MYRFL: variants seen among roughly 807,000 people sequenced by gnomAD.
MYRFL encodes myelin regulatory factor like, also known as myelin regulatory factor-like protein.
Under a neutral mutation model 109.4 loss-of-function variants are expected in MYRFL, and 88 were observed. The observed-to-expected ratio is 0.80, with a 90% CI of 0.68 to 0.96. The LOEUF (loss-of-function observed/expected upper bound fraction) is 0.96. MYRFL is among the 40% of genes least tolerant of loss of function. MYRFL has a pLI of 0.00. For missense variants in MYRFL, 957 were observed against 954.9 expected, an observed-to-expected ratio of 1.00 and a Z score of -0.03; for synonymous variants, 324 against 320.9, an observed-to-expected ratio of 1.01 and a Z score of -0.10.
At chr12:69,953,764 GACACACACACACAC>G (rs143170206) in intron 21 of MYRFL, among the ~76,000 whole-genome samples, 3 of 144,284 alleles carry the variant, frequency 2.1e-5, no homozygotes, top group South Asian at 2.3e-4. Flanking sequence ...GTGCAACCCG[GACACACACACACAC>G]ACACACACAC....
intron 2 of MYRFL, among the ~76,000 whole-genome samples, chr12:69,876,183 T>C (rs544954514): frequency 6.6e-6 from 1 of 152,354 alleles, no homozygotes; most frequent in South Asian, 2.1e-4. Flanking sequence ...TTCTGGTTAT[T>C]CAGGCCAGGA....
At position 69,945,904 on chromosome 12, in the gene MYRFL, G is replaced by C. The variant is rs1357147215; in HGVS notation, c.2225-6209G>C. On this transcript the variant is annotated intron_variant, in intron 19 of 24. Coordinates refer to ENST00000552032, the MANE Select transcript of MYRFL (RefSeq NM_182530.3). ...TGGGAGGCTGAGGCAGGAGAATGGCGTGAACCCGGGAGGCGGAGCTTGCAG... is the reference window on the plus strand; with the variant it reads ...TGGGAGGCTGAGGCAGGAGAATGGCCTGAACCCGGGAGGCGGAGCTTGCAG... Among the ~76,000 whole-genome samples the C allele has an allele frequency of 5.1e-5, 7 of 138,036 alleles. No individual in the cohort carries two copies. In the East Asian group the frequency reaches 1.6e-3, roughly 31 times the overall value. 90.6% of individuals were successfully genotyped at this position (138,036 alleles called of 152,430 possible). A position where few individuals can be genotyped will look rare whatever the true frequency, so the allele number is the denominator to read the frequency against.
At chr12:69,847,244 T>C (rs1014621174) in intron 1 of MYRFL, among the ~76,000 whole-genome samples, 2 of 152,134 alleles carry the variant, frequency 1.3e-5, no homozygotes, top group Non-Finnish European at 2.9e-5. Flanking sequence ...TGTATTCTTC[T>C]GCTCAGAAAC....
At chr12:69,917,263 G>T (rs1954763538) in intron 13 of MYRFL, among the ~76,000 whole-genome samples, 1 of 152,110 alleles carries the variant, frequency 6.6e-6, no homozygotes, top group South Asian at 2.1e-4. Context: ...GCCTCCTCTG[G>T]CTGCTGCAGA....
At chr12:69,958,106 G>T in intron 23 of MYRFL, 143 bp from the exon 24 acceptor site, 1 of 1,144,704 alleles carries the variant, frequency 8.7e-7, no homozygotes, top group South Asian at 1.6e-5. Flanking sequence ...CTGTTGCTAG[G>T]ACTGTTCTAG....
At position 69,885,817 on chromosome 12, in the gene MYRFL, C is replaced by T. The variant is rs78047318; in HGVS notation, c.557-1003C>T. 8.2e-3 allele frequency among the ~76,000 whole-genome samples: 1,242 copies of T among 152,256 alleles called. 17 individuals carry two copies. Among genetic ancestry groups the T allele is most frequent in the African/African-American group, 0.027 (1,134 of 41,546 alleles). On this transcript the variant is annotated intron_variant, in intron 5 of 24. Transcript: ENST00000552032. ...ATATTGCACACTAACAAGATTTTCT[C>T]TGTTACTTTATCTTGGTTCTAGCTT... is the stretch of plus-strand genomic sequence containing the variant.
chr12:69,888,523 T>A (rs1277409436), intron 6 of MYRFL, among the ~76,000 whole-genome samples: 1 of 152,242 alleles, frequency 6.6e-6, no homozygotes, highest in Non-Finnish European at 1.5e-5. Flanking sequence ...GACTTTATAC[T>A]TAACTTTTGA....
chr12:69,859,032 A>G (rs1884474002), intron 2 of MYRFL, among the ~76,000 whole-genome samples: 3 of 151,772 alleles, frequency 2.0e-5, no homozygotes, highest in Middle Eastern at 6.8e-3. Flanking sequence ...TTTTTGATAT[A>G]CTATATATAT....
intron 1 of MYRFL, among the ~76,000 whole-genome samples, chr12:69,849,679 G>A (rs951686617): frequency 1.1e-4 from 16 of 152,094 alleles, no homozygotes; most frequent in African/African-American, 3.4e-4. Context: ...TTATTCCAGG[G>A]CTATTTGTCA....
At chr12:69,886,343 C>G (rs1199257729) in intron 5 of MYRFL, among the ~76,000 whole-genome samples, 1 of 152,152 alleles carries the variant, frequency 6.6e-6, no homozygotes. Context: ...GGCGATGTAT[C>G]TTGCAGGTTC....
intron 1 of MYRFL, among the ~76,000 whole-genome samples, chr12:69,845,640 TG>T (rs1222872565): frequency 8.6e-5 from 13 of 151,802 alleles, no homozygotes; most frequent in Non-Finnish European, 1.6e-4. Context: ...GGTATTGGAG[TG>T]AGGGATAGAA....
At chr12:69,935,386 GAAGATGTCCCCCAAAGAGGAGAACACT>G (rs1365762627) in intron 16 of MYRFL, among the ~76,000 whole-genome samples, 1 of 151,858 alleles carries the variant, frequency 6.6e-6, no homozygotes. Context: ...AGAGGGTTCT[GAAGATGTCCCCCAAAGAGGAGAACACT>G]AAGTATTTGG....
intron 11 of MYRFL, among the ~76,000 whole-genome samples, chr12:69,908,001 A>C (rs61928003): frequency 0.16 from 24,310 of 151,904 alleles, 2,286 homozygotes; most frequent in Non-Finnish European, 0.22. Context: ...GTAATGCCAA[A>C]TTCTGCCTTT....
intron 1 of MYRFL, among the ~76,000 whole-genome samples, chr12:69,849,553 GA>G (rs2136319886): frequency 6.6e-6 from 1 of 152,290 alleles, no homozygotes; most frequent in African/African-American, 2.4e-5. Flanking sequence ...TCACAATTGT[GA>G]AAATGGTAGA....
chr12:69,947,813 T>C (rs1955878670), intron 19 of MYRFL, among the ~76,000 whole-genome samples: 1 of 152,144 alleles, frequency 6.6e-6, no homozygotes, highest in Admixed American at 6.5e-5. Flanking sequence ...TGCATGAGTC[T>C]GGTTCAGTGA....
intron 22 of MYRFL, among the ~76,000 whole-genome samples, chr12:69,957,496 C>T (rs1004247590): frequency 5.3e-5 from 8 of 152,030 alleles, no homozygotes; most frequent in East Asian, 1.9e-4. Flanking sequence ...GTGGCCGAGG[C>T]GTTAGGGTTG....
chr12:69,908,876 T>A (rs1954463603), intron 11 of MYRFL, among the ~76,000 whole-genome samples: 1 of 152,124 alleles, frequency 6.6e-6, no homozygotes. Context: ...CTAGTACCCA[T>A]CAGCTGTTTT....
chr12:69,840,718 A>G lies in MYRFL; in HGVS notation c.47-14562A>G, dbSNP rs548061660. On this transcript the variant is annotated intron_variant, in intron 1 of 24. Transcript: ENST00000552032. ...GTCAGGCAGCTGAACAGGAAAGGCA[A>G]TGAAGCCCATTTGCATGGCTAGTTC... Among the ~76,000 whole-genome samples the G allele has an allele frequency of 6.6e-5, 10 of 152,314 alleles. No individual in the cohort carries two copies. The South Asian group carries it at 2.1e-3, about 32-fold the overall frequency.
chr12:69,843,733 T>C (rs141432149), intron 1 of MYRFL, among the ~76,000 whole-genome samples: 3 of 152,298 alleles, frequency 2.0e-5, no homozygotes, highest in Non-Finnish European at 4.4e-5. Context: ...CAGCAGTACA[T>C]GTTACTGTCT....
Sources: gnomAD v4.1 joint callset for allele counts (sites outside exome capture counted in the v4.1 genomes callset) on GRCh38, gnomAD v4.1.1 for gene constraint, MANE v1.5 for transcripts, NCBI Gene and HGNC (gene_info 2026-07-23, HGNC 2026-07-21) for gene names.